FSTL5: variants seen among roughly 807,000 people sequenced by gnomAD.
FSTL5 encodes the protein follistatin like 5.
FSTL5 carries 62 observed loss-of-function variants against 89.1 expected under a neutral mutation model. The observed-to-expected ratio is 0.70, with a 90% CI of 0.57 to 0.86. FSTL5 has a LOEUF of 0.86. Among genes scored for constraint, FSTL5 ranks in the 40% least tolerant of loss-of-function variants. FSTL5 has a pLI of 0.00. For synonymous variants in FSTL5, 383 were observed against 346.2 expected (o/e 1.11, Z -1.18); for missense variants, 1,057 against 1,001.6 (o/e 1.06, Z -0.75).
chr4:161,725,727 A>G (rs1188804883), intron 6 of FSTL5, among the ~76,000 whole-genome samples: 1 of 152,292 alleles, frequency 6.6e-6, no homozygotes, highest in Non-Finnish European at 1.5e-5. Flanking sequence ...GACCACCTCA[A>G]TTATAGAAAT....
chr4:162,014,862 T>A (rs1736870908), intron 3 of FSTL5, among the ~76,000 whole-genome samples: 1 of 152,214 alleles, frequency 6.6e-6, no homozygotes, highest in South Asian at 2.1e-4. Flanking sequence ...ATGGCTTTTC[T>A]TAAAAAAAGA....
At chr4:161,811,167 T>C (rs1023437392) in intron 4 of FSTL5, among the ~76,000 whole-genome samples, 5 of 151,912 alleles carry the variant, frequency 3.3e-5, no homozygotes, top group East Asian at 1.9e-4. Context: ...TTTTTGTTGA[T>C]TGAAAAGAAA....
chr4:161,724,558 A>G (rs1446559516), intron 6 of FSTL5, among the ~76,000 whole-genome samples: 2 of 152,198 alleles, frequency 1.3e-5, no homozygotes, highest in Non-Finnish European at 2.9e-5. Context: ...TGAAGGATGT[A>G]CATACTTTGC....
intron 4 of FSTL5, among the ~76,000 whole-genome samples, chr4:161,870,426 T>C (rs1488664109): frequency 6.6e-6 from 1 of 152,028 alleles, no homozygotes; most frequent in Admixed American, 6.6e-5. Flanking sequence ...TATCATGGTA[T>C]AGTGGAAGTT....
chr4:161,390,041 G>T (rs566550659), intron 15 of FSTL5, among the ~76,000 whole-genome samples: 17 of 152,146 alleles, frequency 1.1e-4, no homozygotes, highest in African/African-American at 4.1e-4. Context: ...GCTCTCACTT[G>T]TACCAACAGT....
chr4:161,676,761 A>G (rs1737320380), intron 6 of FSTL5, among the ~76,000 whole-genome samples: 2 of 152,048 alleles, frequency 1.3e-5, no homozygotes, highest in South Asian at 4.1e-4. Flanking sequence ...ACACACACAC[A>G]CACACACACA....
At chr4:161,662,521 G>A (rs7665503) in intron 6 of FSTL5, among the ~76,000 whole-genome samples, 23,500 of 152,054 alleles carry the variant, frequency 0.15, 2,084 homozygotes, top group East Asian at 0.32. Context: ...TTAAATGTAT[G>A]TACTTAAGGT....
intron 15 of FSTL5, among the ~76,000 whole-genome samples, chr4:161,452,882 T>C (rs1733220965): frequency 6.6e-6 from 1 of 151,658 alleles, no homozygotes; most frequent in Non-Finnish European, 1.5e-5. Context: ...TACTTTTTAC[T>C]CTTTTTCATA....
chr4:161,571,009 C>T (rs911105920), intron 8 of FSTL5, among the ~76,000 whole-genome samples: 1 of 151,502 alleles, frequency 6.6e-6, no homozygotes, highest in African/African-American at 2.4e-5. Context: ...AGCTACTACT[C>T]GGGAGGCTGA....
chr4:161,999,488 A>C (rs1455834744), intron 3 of FSTL5, among the ~76,000 whole-genome samples: 1 of 152,174 alleles, frequency 6.6e-6, no homozygotes, highest in East Asian at 1.9e-4. Flanking sequence ...ATTGATCTTG[A>C]AATATCCTTT....
chr4:161,718,481 T>A (rs1739077954), intron 6 of FSTL5, among the ~76,000 whole-genome samples: 1 of 151,768 alleles, frequency 6.6e-6, no homozygotes, highest in Non-Finnish European at 1.5e-5. Context: ...CAGCCTGGAG[T>A]GCAACGGCGA....
At chr4:161,631,010 C>A (rs924282836) in intron 7 of FSTL5, among the ~76,000 whole-genome samples, 2 of 152,104 alleles carry the variant, frequency 1.3e-5, no homozygotes, top group Non-Finnish European at 2.9e-5. Context: ...AATAATCAAG[C>A]AAAATATAAG....
intron 6 of FSTL5, among the ~76,000 whole-genome samples, chr4:161,667,308 T>A (rs1213480253): frequency 6.6e-6 from 1 of 152,124 alleles, no homozygotes; most frequent in African/African-American, 2.4e-5. Context: ...GGAAAACAAT[T>A]CTTTTTTATG....
intron 4 of FSTL5, among the ~76,000 whole-genome samples, chr4:161,782,056 C>T (rs1403109244): frequency 2.0e-5 from 3 of 152,042 alleles, no homozygotes; most frequent in South Asian, 4.1e-4. Flanking sequence ...TCCAGCATGT[C>T]TTTTCATGAC....
At chr4:161,474,484 C>T (rs553020510) in intron 13 of FSTL5, among the ~76,000 whole-genome samples, 94 of 151,022 alleles carry the variant, frequency 6.2e-4, no homozygotes, top group African/African-American at 2.2e-3. Flanking sequence ...TGTGATTGTC[C>T]ATGTATTTGC....
intron 3 of FSTL5, among the ~76,000 whole-genome samples, chr4:161,970,928 T>C (rs180726676): frequency 2.2e-4 from 34 of 152,234 alleles, no homozygotes; most frequent in Admixed American, 9.2e-4. Context: ...AGTTCATACC[T>C]GGTATGTATT....
intron 15 of FSTL5, among the ~76,000 whole-genome samples, chr4:161,425,600 CT>C (rs1200171111): frequency 2.0e-5 from 3 of 152,130 alleles, no homozygotes; most frequent in Non-Finnish European, 4.4e-5. Flanking sequence ...ATGATTAACA[CT>C]TAGTAGTCCT....
At chr4:161,398,311 C>T (rs776671516) in intron 15 of FSTL5, among the ~76,000 whole-genome samples, 9 of 151,992 alleles carry the variant, frequency 5.9e-5, no homozygotes, top group South Asian at 4.1e-4. Context: ...TGAAATTCCA[C>T]GCTGCAGTTG....
At chr4:161,908,281 T>A (rs1733592770) in intron 4 of FSTL5, among the ~76,000 whole-genome samples, 1 of 151,994 alleles carries the variant, frequency 6.6e-6, no homozygotes, top group Non-Finnish European at 1.5e-5. Context: ...TTCCAATACA[T>A]GATTATCATG....
Sources: gnomAD v4.1 joint callset for allele counts (sites outside exome capture counted in the v4.1 genomes callset) on GRCh38, gnomAD v4.1.1 for gene constraint, MANE v1.5 for transcripts, NCBI Gene and HGNC (gene_info 2026-07-23, HGNC 2026-07-21) for gene names.